Variants in LRRC4C observed in about 807,000 individuals in gnomAD.
LRRC4C encodes leucine rich repeat containing 4C, also known as leucine-rich repeat-containing protein 4C.
LRRC4C carries 5 observed loss-of-function variants against 33.6 expected under a neutral mutation model. That is an observed-to-expected ratio of 0.15 (90% CI 0.08 to 0.31). LRRC4C has a LOEUF of 0.31. LRRC4C is among the 10% of genes least tolerant of loss of function. LRRC4C has a pLI of 1.00. For synonymous variants in LRRC4C, 329 were observed against 302.0 expected, an observed-to-expected ratio of 1.09 and a Z score of -0.93; for missense variants, 560 against 796.7, an observed-to-expected ratio of 0.70 and a Z score of 3.58.
intron 2 of LRRC4C, among the ~76,000 whole-genome samples, chr11:40,912,432 TATCCAGCCAA>T (rs1475419248): frequency 1.3e-5 from 2 of 152,176 alleles, no homozygotes; most frequent in Admixed American, 1.3e-4. Flanking sequence ...CAGAATTTCA[TATCCAGCCAA>T]ACTAAGCTTC....
At chr11:40,643,959 A>C (rs1363342571) in intron 3 of LRRC4C, among the ~76,000 whole-genome samples, 1 of 152,180 alleles carries the variant, frequency 6.6e-6, no homozygotes, top group East Asian at 1.9e-4. Flanking sequence ...CAAACTACGT[A>C]TTCTACCAAC....
intron 6 of LRRC4C, among the ~76,000 whole-genome samples, chr11:40,130,219 C>G (rs916785545): frequency 6.6e-6 from 1 of 152,100 alleles, no homozygotes; most frequent in Non-Finnish European, 1.5e-5. Context: ...ATTTCACTCT[C>G]CAGGTAATGA....
intron 3 of LRRC4C, among the ~76,000 whole-genome samples, chr11:40,621,089 A>T (rs1047915636): frequency 2.0e-5 from 3 of 151,428 alleles, no homozygotes; most frequent in Non-Finnish European, 4.4e-5. Flanking sequence ...CTCTTCTTTC[A>T]GCTATCCTTT....
intron 1 of LRRC4C, among the ~76,000 whole-genome samples, chr11:41,274,261 C>G (rs903040437): frequency 6.6e-6 from 1 of 152,082 alleles, no homozygotes; most frequent in African/African-American, 2.4e-5. Flanking sequence ...ACAGATGGTT[C>G]TGAATAGTGG....
At chr11:40,916,347 C>T (rs1020778956) in intron 2 of LRRC4C, among the ~76,000 whole-genome samples, 1 of 152,174 alleles carries the variant, frequency 6.6e-6, no homozygotes, top group Admixed American at 6.5e-5. Flanking sequence ...CACATATACA[C>T]CATGGAATAC....
chr11:40,432,425 A>T (rs1269808062), intron 3 of LRRC4C, among the ~76,000 whole-genome samples: 1 of 152,230 alleles, frequency 6.6e-6, no homozygotes, highest in East Asian at 1.9e-4. Flanking sequence ...GAAAAAGTTT[A>T]AGTGTCTTGA....
chr11:40,524,630 A>G (rs557021407), intron 3 of LRRC4C, among the ~76,000 whole-genome samples: 2 of 152,340 alleles, frequency 1.3e-5, no homozygotes, highest in East Asian at 3.9e-4. Context: ...TGAAATGGAT[A>G]GAGGCTGAGG....
chr11:40,877,277 A>T, intron 2 of LRRC4C, among the ~76,000 whole-genome samples: 1 of 152,130 alleles, frequency 6.6e-6, no homozygotes, highest in East Asian at 1.9e-4. Context: ...CGGACACAAA[A>T]TGACCAATTC....
At chr11:40,449,664 T>C (rs1470731473) in intron 3 of LRRC4C, among the ~76,000 whole-genome samples, 4 of 152,180 alleles carry the variant, frequency 2.6e-5, no homozygotes, top group Non-Finnish European at 4.4e-5. Context: ...CATGAACGCA[T>C]ACCCCACTCT....
chr11:41,399,921 G>T (rs80027697), intron 1 of LRRC4C, among the ~76,000 whole-genome samples: 1 of 151,860 alleles, frequency 6.6e-6, no homozygotes, highest in Non-Finnish European at 1.5e-5. Context: ...AGAAAAATTA[G>T]ATTCAGAAGG....
intron 4 of LRRC4C, among the ~76,000 whole-genome samples, chr11:40,319,091 A>AC (rs1945717846): frequency 6.6e-6 from 1 of 152,192 alleles, no homozygotes; most frequent in Non-Finnish European, 1.5e-5. Context: ...CAGTGGTAAC[A>AC]GAAAAAAATA....
intron 3 of LRRC4C, among the ~76,000 whole-genome samples, chr11:40,544,773 T>A (rs921130533): frequency 6.6e-6 from 1 of 152,114 alleles, no homozygotes; most frequent in Non-Finnish European, 1.5e-5. Context: ...CACATATGTA[T>A]GTCTTAAATT....
At chr11:40,320,787 G>C (rs573875443) in intron 3 of LRRC4C, among the ~76,000 whole-genome samples, 1 of 152,078 alleles carries the variant, frequency 6.6e-6, no homozygotes, top group Non-Finnish European at 1.5e-5. Flanking sequence ...TCCTTCTGAG[G>C]GTATGTTTTG....
intron 3 of LRRC4C, among the ~76,000 whole-genome samples, chr11:40,451,698 AG>A (rs1196625933): frequency 6.6e-6 from 1 of 152,022 alleles, no homozygotes; most frequent in Non-Finnish European, 1.5e-5. Flanking sequence ...AATGATTTTG[AG>A]GGAAAACTAT....
chr11:41,000,149 T>C lies in LRRC4C; in HGVS notation c.-495-66426A>G, dbSNP rs139119285. On this transcript the variant is annotated intron_variant, in intron 1 of 6. Coordinates refer to ENST00000528697, the MANE Select transcript of LRRC4C (RefSeq NM_001258419.2). ...TCATCATCAGAATAATTTGGTTGAGTATTTTAAAACAACAGATTATTTCAT... is the reference window on the plus strand; with the variant it reads ...TCATCATCAGAATAATTTGGTTGAGCATTTTAAAACAACAGATTATTTCAT... Among the ~76,000 whole-genome samples, 643 of 152,296 alleles carry C rather than the reference T, an allele frequency of 4.2e-3. 5 individuals carry two copies. The highest frequency in any genetic ancestry group is 0.015 in the African/African-American group (612 of 41,584).
chr11:40,795,037 C>T (rs1950770837), intron 2 of LRRC4C, among the ~76,000 whole-genome samples: 1 of 152,202 alleles, frequency 6.6e-6, no homozygotes, highest in African/African-American at 2.4e-5. Flanking sequence ...CTTCCCATCA[C>T]TTCAGATTGT....
chr11:40,639,190 A>G (rs1250289919), intron 3 of LRRC4C, among the ~76,000 whole-genome samples: 1 of 151,896 alleles, frequency 6.6e-6, no homozygotes, highest in Admixed American at 6.6e-5. Context: ...TCTAGTTTCC[A>G]TCAAAATCAA....
chr11:40,352,130 CCTTCCTTCCTTCCTTCCTTCCT>C, intron 3 of LRRC4C, among the ~76,000 whole-genome samples: 1 of 100,864 alleles, frequency 9.9e-6, no homozygotes, highest in Non-Finnish European at 2.2e-5. Flanking sequence ...TTCCTTCCTT[CCTTCCTTCCTTCCTTCCTTCCT>C]TCCTTCCTTC....
intron 1 of LRRC4C, among the ~76,000 whole-genome samples, chr11:41,445,309 T>A (rs190376164): frequency 6.6e-6 from 1 of 152,310 alleles, no homozygotes; most frequent in African/African-American, 2.4e-5. Context: ...TCCCCAGAGC[T>A]TATTTCTCTC....
Sources: gnomAD v4.1 joint callset for allele counts (sites outside exome capture counted in the v4.1 genomes callset) on GRCh38, gnomAD v4.1.1 for gene constraint, MANE v1.5 for transcripts, NCBI Gene and HGNC (gene_info 2026-07-23, HGNC 2026-07-21) for gene names.